Variants in ALPK2 observed in about 807,000 individuals in gnomAD.
ALPK2 encodes the protein alpha-protein kinase 2.
ALPK2 carries 127 observed loss-of-function variants against 163.1 expected under a neutral mutation model. The ratio of observed to expected loss-of-function variants is 0.78; its 90% CI spans 0.67 to 0.90. The LOEUF (loss-of-function observed/expected upper bound fraction) is 0.90. Among genes scored for constraint, ALPK2 ranks in the 40% least tolerant of loss-of-function variants. ALPK2 has a pLI of 0.00. For missense variants in ALPK2, 2,360 were observed against 2,589.6 expected, an observed-to-expected ratio of 0.91 and a Z score of 1.92; for synonymous variants, 953 against 959.1, an observed-to-expected ratio of 0.99 and a Z score of 0.12.
intron 1 of ALPK2, 150 bp from the exon 2 acceptor site, chr18:58,611,967 GC>G (rs2052134556): frequency 3.5e-6 from 2 of 569,452 alleles, no homozygotes; most frequent in South Asian, 4.9e-5. Flanking sequence ...GCCTTTCCAG[GC>G]CGTGGTGCTG....
Position 58,481,429 on chromosome 18 carries a change from A to G in ALPK2, c.*394T>C, listed in dbSNP as rs1333824058. The G allele has an allele frequency of 4.7e-6, 1 of 214,586 alleles. No homozygotes were observed. Among genetic ancestry groups the G allele is most frequent in the Non-Finnish European group, 9.4e-6 (1 of 106,788 alleles). The allele number at this position is 214,586 out of a possible 1,614,324, so 13.3% of individuals were successfully genotyped here. ...TACATCACAGCAGGATGTGTCTAGAAATCCCAGGTTAGGAATGACAGTGGG... is the reference window on the plus strand; with the variant it reads ...TACATCACAGCAGGATGTGTCTAGAGATCCCAGGTTAGGAATGACAGTGGG... On this transcript the variant is annotated 3_prime_UTR_variant, in exon 13 of 13. Coordinates refer to ENST00000361673, the MANE Select transcript of ALPK2 (RefSeq NM_052947.4).
At chr18:58,596,499 C>T (rs966433280) in intron 3 of ALPK2, among the ~76,000 whole-genome samples, 1 of 152,176 alleles carries the variant, frequency 6.6e-6, no homozygotes, top group African/African-American at 2.4e-5. Context: ...CAGCAGCCGC[C>T]GCAGGGAATG....
intron 3 of ALPK2, among the ~76,000 whole-genome samples, chr18:58,583,441 G>A (rs139184350): frequency 1.7e-3 from 259 of 152,170 alleles, no homozygotes; most frequent in African/African-American, 5.5e-3. Flanking sequence ...TTAATTTTTG[G>A]TTTACAACAC....
chr18:58,576,929 G>A (rs1187819954), intron 4 of ALPK2, among the ~76,000 whole-genome samples: 1 of 152,234 alleles, frequency 6.6e-6, no homozygotes, highest in African/African-American at 2.4e-5. Context: ...TGCAGAAAAT[G>A]CAAGCCCTTC....
At chr18:58,590,830 C>G (rs922063817) in intron 3 of ALPK2, among the ~76,000 whole-genome samples, 7 of 152,148 alleles carry the variant, frequency 4.6e-5, no homozygotes, top group Admixed American at 4.6e-4. Flanking sequence ...CCTAAAGAGC[C>G]GAAACGGACC....
At chr18:58,617,157 T>C (rs1173826821) in intron 1 of ALPK2, among the ~76,000 whole-genome samples, 1 of 152,062 alleles carries the variant, frequency 6.6e-6, no homozygotes, top group African/African-American at 2.4e-5. Context: ...AAACAGTGGA[T>C]TGTGGCAAGT....
chr18:58,505,825 G>A (rs746230051), intron 10 of ALPK2, among the ~76,000 whole-genome samples: 4 of 152,024 alleles, frequency 2.6e-5, no homozygotes, highest in South Asian at 2.1e-4. Flanking sequence ...TTCTCTTCTC[G>A]GCCCCCACCC....
chr18:58,541,371 G>A (rs115650457), intron 4 of ALPK2, among the ~76,000 whole-genome samples: 50 of 152,294 alleles, frequency 3.3e-4, no homozygotes, highest in African/African-American at 1.1e-3. Flanking sequence ...AGGAGATGGC[G>A]CTAAGCCATT....
chr18:58,576,768 A>T (rs2144194770), intron 4 of ALPK2, among the ~76,000 whole-genome samples: 1 of 152,342 alleles, frequency 6.6e-6, no homozygotes, highest in East Asian at 1.9e-4. Context: ...AAGGAAAATA[A>T]ACACCACAGA....
chr18:58,504,053 A>G lies in ALPK2; in HGVS notation c.6125T>C (p.Ile2042Thr), dbSNP rs768945549. 2.5e-6 allele frequency: 4 copies of G among 1,614,158 alleles called. No homozygotes were observed. Among genetic ancestry groups the G allele is most frequent in the Non-Finnish European group, 3.4e-6 (4 of 1,180,010 alleles). The change falls in exon 11 of 13, where the codon ATC becomes ACC. Residue 2042 changes from isoleucine (I) to threonine (T), a missense_variant. Transcript: ENST00000361673. The stretch of plus-strand genomic sequence containing the variant: ...GAAGTTTATTTCTTTCCCATCCCTG[A>G]TGGAATACTTCACAAATTCTCCAAT... ...ELIGEFVKYSIRDGKEINFLR... is the reference protein window; with the variant it reads ...ELIGEFVKYSTRDGKEINFLR...
At chr18:58,615,363 GC>G (rs1376172516) in intron 1 of ALPK2, among the ~76,000 whole-genome samples, 5 of 152,040 alleles carry the variant, frequency 3.3e-5, no homozygotes, top group Admixed American at 1.3e-4. Context: ...TGACCAGGAG[GC>G]CCCATAGAAC....
chr18:58,614,582 G>A (rs554836987), intron 1 of ALPK2, among the ~76,000 whole-genome samples: 4 of 152,264 alleles, frequency 2.6e-5, no homozygotes, highest in East Asian at 3.9e-4. Flanking sequence ...TGGTGGTTAC[G>A]GAATGGATAT....
At chr18:58,584,854 G>A (rs554892307) in intron 3 of ALPK2, among the ~76,000 whole-genome samples, 1 of 152,340 alleles carries the variant, frequency 6.6e-6, no homozygotes, top group East Asian at 1.9e-4. Context: ...TGTTAGTAGG[G>A]TCAGGGTGTA....
chr18:58,612,572 T>A (rs1486651138), intron 1 of ALPK2, among the ~76,000 whole-genome samples: 3 of 152,216 alleles, frequency 2.0e-5, no homozygotes, highest in African/African-American at 7.2e-5. Context: ...TTGCTCAAGA[T>A]CACACAGCTC....
In ALPK2 at chr18:58,527,428, T is replaced by C. The variant is rs184956485; in HGVS notation, c.5501+1663A>G. ...CAAGGAGAAATGAAGCAAACATCAC[T>C]AGGAATCAAAGGCCTTAGCCACGCG... is the stretch of plus-strand genomic sequence containing the variant. On this transcript the variant is annotated intron_variant, in intron 6 of 12. Coordinates refer to ENST00000361673, the MANE Select transcript of ALPK2 (RefSeq NM_052947.4). 2.6e-4 allele frequency among the ~76,000 whole-genome samples: 40 copies of C among 152,282 alleles called. 1 individual carries two copies. In the East Asian group the frequency reaches 3.5e-3, roughly 13 times the overall value.
intron 1 of ALPK2, among the ~76,000 whole-genome samples, chr18:58,625,186 G>GA (rs200263154): frequency 0.04 from 5,562 of 137,928 alleles, 339 homozygotes; most frequent in African/African-American, 0.13. Flanking sequence ...ACCCTCAGCT[G>GA]AAAAAAAAAA....
chr18:58,541,890 A>G (rs773441396), intron 4 of ALPK2, among the ~76,000 whole-genome samples: 2 of 152,236 alleles, frequency 1.3e-5, no homozygotes, highest in Non-Finnish European at 2.9e-5. Context: ...GGGAAACCAC[A>G]GACTCACACC....
chr18:58,577,702 CAG>C (rs1396483044), intron 4 of ALPK2, among the ~76,000 whole-genome samples: 1 of 152,154 alleles, frequency 6.6e-6, no homozygotes, highest in Non-Finnish European at 1.5e-5. Flanking sequence ...GCCAGCAGAA[CAG>C]AACAATTTGC....
At chr18:58,611,610 T>A in intron 2 of ALPK2, 79 bp downstream of exon 2, 2 of 1,264,308 alleles carry the variant, frequency 1.6e-6, no homozygotes, top group Non-Finnish European at 2.2e-6. Flanking sequence ...AATGATGTTT[T>A]AGTAATGCCT....
Sources: gnomAD v4.1 joint callset for allele counts (sites outside exome capture counted in the v4.1 genomes callset) on GRCh38, gnomAD v4.1.1 for gene constraint, MANE v1.5 for transcripts, NCBI Gene and HGNC (gene_info 2026-07-23, HGNC 2026-07-21) for gene names.